The following GLMN variants were observed in gnomAD, a reference collection of about 807,000 sequenced individuals.
GLMN encodes glomulin.
Under a neutral mutation model 87.8 loss-of-function variants are expected in GLMN, and 75 were observed. That is an observed-to-expected ratio of 0.85 (90% confidence interval 0.71 to 1.04). GLMN has a LOEUF of 1.04. Ranked by LOEUF, GLMN falls within the 50% of genes least tolerant of loss-of-function variation. GLMN has a pLI of 0.00. For missense variants in GLMN, 588 were observed against 658.8 expected (o/e 0.89, Z 1.18); for synonymous variants, 206 against 221.6 (o/e 0.93, Z 0.63).
chr1:92,322,967 T>G, the GLMN span, among the ~76,000 whole-genome samples: 2 of 147,448 alleles, frequency 1.4e-5, no homozygotes, highest in Non-Finnish European at 1.5e-5. Flanking sequence ...ACATTATATA[T>G]GTACAAGTAT....
chr1:92,366,497 A>G, the GLMN span, among the ~76,000 whole-genome samples: 1 of 152,190 alleles, frequency 6.6e-6, no homozygotes, highest in African/African-American at 2.4e-5. Flanking sequence ...ACAGGGTGAC[A>G]GGTTCGTTCT....
the GLMN span, among the ~76,000 whole-genome samples, chr1:92,326,733 G>T: frequency 6.6e-6 from 1 of 152,210 alleles, no homozygotes; most frequent in Non-Finnish European, 1.5e-5. Flanking sequence ...TCAGGGAAGT[G>T]GGGGAAAGCT....
chr1:92,288,601 A>T (rs1185324203), intron 6 of GLMN, among the ~76,000 whole-genome samples: 1 of 151,698 alleles, frequency 6.6e-6, no homozygotes, highest in African/African-American at 2.4e-5. Flanking sequence ...TAATTTTTAA[A>T]TTTTTTTATA....
Position 92,247,918 on chromosome 1 carries a change from C to A in GLMN, c.1545G>T (p.Met515Ile). The change falls in exon 17 of 19, where the codon ATG becomes ATT. Residue 515 changes from methionine to isoleucine, a missense_variant. Coordinates refer to ENST00000370360, the MANE Select transcript of GLMN (RefSeq NM_053274.3). ...TTTCTGCTTCATAATGTGCTTTTGACATATTAAGTCCTATATGAAGTGGCT... is the reference window on the plus strand; with the variant it reads ...TTTCTGCTTCATAATGTGCTTTTGAAATATTAAGTCCTATATGAAGTGGCT... The part of the protein sequence containing the change: ...FLKPLHIGLN[M>I]SKAHYEAEIK... 1.4e-6 allele frequency: 2 copies of A among 1,405,128 alleles called. No individual in the cohort carries two copies. The highest frequency in any genetic ancestry group is 2.0e-6 in the Non-Finnish European group (2 of 990,806). The allele number at this position is 1,405,128 out of a possible 1,614,324, so 87.0% of individuals were successfully genotyped here.
rs966437636 is a variant in GLMN at position 92,288,835 on chromosome 1, A to G, written c.632+79T>C. ...AAACTAGATTTCTATTTACATGTCAAACAAAGTGAAGAAACATAAAATAAC... is the reference window on the plus strand; with the variant it reads ...AAACTAGATTTCTATTTACATGTCAGACAAAGTGAAGAAACATAAAATAAC... On this transcript the variant is annotated intron_variant, in intron 6 of 18. Transcript: ENST00000370360. The G allele has an allele frequency of 3.7e-6, 3 of 811,036 alleles. No individual in the cohort carries two copies. In the African/African-American group the frequency reaches 5.0e-5, roughly 14 times the overall value. 50.2% of individuals were successfully genotyped at this position (811,036 alleles called of 1,614,324 possible). A position where few individuals can be genotyped will look rare whatever the true frequency, so the allele number is the denominator to read the frequency against.
intron 9 of GLMN, among the ~76,000 whole-genome samples, chr1:92,268,915 CTTT>C (rs10706669): frequency 3.3e-5 from 4 of 120,496 alleles, no homozygotes; most frequent in African/African-American, 6.4e-5. Flanking sequence ...CTGTAATTTC[CTTT>C]TTTTTTTTTT....
At chr1:92,336,303 C>A in the GLMN span, 1 of 1,390,566 alleles carries the variant, frequency 7.2e-7, no homozygotes, top group Admixed American at 1.8e-5. Flanking sequence ...AAAAAGTTTC[C>A]ATATAATTTT....
upstream of GLMN, chr1:92,301,515 A>C (rs1271937060): frequency 6.3e-7 from 1 of 1,596,076 alleles, no homozygotes; most frequent in Non-Finnish European, 8.5e-7. Context: ...AGAAGATTGA[A>C]TTTGAGAGAA....
At chr1:92,330,491 A>G in the GLMN span, among the ~76,000 whole-genome samples, 1 of 113,662 alleles carries the variant, frequency 8.8e-6, no homozygotes, top group Non-Finnish European at 1.6e-5. Flanking sequence ...TCTGTTGCCC[A>G]GTCTGGAGTG....
At chr1:92,281,991 A>T (rs1324515584) in intron 7 of GLMN, among the ~76,000 whole-genome samples, 1 of 152,232 alleles carries the variant, frequency 6.6e-6, no homozygotes, top group Non-Finnish European at 1.5e-5. Context: ...TTAGAGACCT[A>T]CAAAGATACT....
chr1:92,299,173 T>G, upstream of GLMN: 1 of 1,410,732 alleles, frequency 7.1e-7, no homozygotes, highest in Admixed American at 2.5e-5. Flanking sequence ...CTTCCCACTT[T>G]TGGACCCTGA....
Position 92,276,724 on chromosome 1 carries a change from T to C in GLMN, c.736-5072A>G, listed in dbSNP as rs564529643. 9.2e-5 allele frequency among the ~76,000 whole-genome samples: 14 copies of C among 152,302 alleles called. No homozygotes were observed. In the East Asian group the frequency reaches 2.5e-3, roughly 27 times the overall value. On this transcript the variant is annotated intron_variant, in intron 7 of 18. Transcript: ENST00000370360. The stretch of plus-strand genomic sequence containing the variant: ...GTGTCATAATAGCCTGGTGGTTATT[T>C]GTTTTTTTAAAAAAGCCCTTGTCAT...
chr1:92,287,879 A>G (rs1648951864), intron 6 of GLMN, among the ~76,000 whole-genome samples: 1 of 152,086 alleles, frequency 6.6e-6, no homozygotes, highest in Admixed American at 6.6e-5. Context: ...CAATAGAAAT[A>G]TAACACAGCC....
the GLMN span, among the ~76,000 whole-genome samples, chr1:92,344,001 C>G: frequency 6.6e-6 from 1 of 152,162 alleles, no homozygotes; most frequent in Non-Finnish European, 1.5e-5. Flanking sequence ...ATTCTTCGTT[C>G]CTCCCCAGAA....
chr1:92,266,932 T>C (rs1271832797), intron 11 of GLMN, among the ~76,000 whole-genome samples, 191 bp from the exon 12 acceptor site: 5 of 152,196 alleles, frequency 3.3e-5, no homozygotes, highest in Admixed American at 3.3e-4. Flanking sequence ...TTAAGTGATA[T>C]TGAGTAGAGT....
chr1:92,268,134 T>C lies in GLMN; in HGVS notation c.979A>G (p.Thr327Ala), dbSNP rs1655859511. 1 of 1,383,882 alleles carries C rather than the reference T, an allele frequency of 7.2e-7. No homozygotes were observed. Among genetic ancestry groups the C allele is most frequent in the Non-Finnish European group, 1.0e-6 (1 of 973,212 alleles). 85.7% of individuals were successfully genotyped at this position (1,383,882 alleles called of 1,614,324 possible). A position where few individuals can be genotyped will look rare whatever the true frequency, so the allele number is the denominator to read the frequency against. ...CCTTTGGAGATAACAGACTCTTCTG[T>C]TCTGAAAAATAATATTAAAATTTAT... ...MGHIEVFLQR[T>A]EESVISKGLE... Residue 327 changes from threonine (T) to alanine (A), a missense_variant and splice_region_variant, in exon 10 of 19, where the codon ACA becomes GCA. Physicochemically the swap from Thr to Ala is moderately conservative, Grantham distance 58. Coordinates refer to ENST00000370360, the MANE Select transcript of GLMN (RefSeq NM_053274.3).
At chr1:92,345,425 G>GAGGA in the GLMN span, among the ~76,000 whole-genome samples, 18 of 133,760 alleles carry the variant, frequency 1.3e-4, no homozygotes, top group Non-Finnish European at 2.6e-4. Flanking sequence ...GAAAGAAAGA[G>GAGGA]AGGAAGGAAG....
rs1482885631 is a variant in GLMN at position 92,297,538 on chromosome 1, A to G, written c.40-9T>C. 4 of 1,590,662 alleles carry G rather than the reference A, an allele frequency of 2.5e-6. No individual in the cohort carries two copies. In the South Asian group the frequency reaches 3.5e-5, roughly 14 times the overall value. The stretch of plus-strand genomic sequence containing the variant: ...TGCTCTTCTAGGATTTGCTGGCAAA[A>G]AAAAAAAAAACCCAAAAAACAAACA... On this transcript the variant is annotated splice_polypyrimidine_tract_variant and intron_variant, in intron 2 of 18. Transcript: ENST00000370360.
chr1:92,340,597 A>G, the GLMN span, among the ~76,000 whole-genome samples: 1 of 152,152 alleles, frequency 6.6e-6, no homozygotes, highest in East Asian at 1.9e-4. Context: ...CACCCTAGAG[A>G]TTGAGTTTCA....
Sources: gnomAD v4.1 joint callset for allele counts (sites outside exome capture counted in the v4.1 genomes callset) on GRCh38, gnomAD v4.1.1 for gene constraint, MANE v1.5 for transcripts, NCBI Gene and HGNC (gene_info 2026-07-23, HGNC 2026-07-21) for gene names.